Variants in KHSRP observed in about 807,000 individuals in gnomAD.
KHSRP encodes KH-type splicing regulatory protein.
KHSRP carries 13 observed loss-of-function variants against 94.9 expected under a neutral mutation model. The ratio of observed to expected loss-of-function variants is 0.14; its 90% CI spans 0.09 to 0.22. The LOEUF (loss-of-function observed/expected upper bound fraction) is 0.22. KHSRP is among the 10% of genes least tolerant of loss of function. The probability of loss-of-function intolerance (pLI) is 1.00; values close to 1 mark genes in which losing one functional copy is unlikely to be tolerated. For synonymous variants in KHSRP, 495 were observed against 401.4 expected (o/e 1.23, Z -2.79); for missense variants, 710 against 1,010.0 (o/e 0.70, Z 4.03).
At chr19:6,421,834 G>A (rs1019225301) in intron 2 of KHSRP, 146 bp from the exon 3 acceptor site, 1 of 888,420 alleles carries the variant, frequency 1.1e-6, no homozygotes, top group Non-Finnish European at 1.7e-6. Context: ...GGAGAGACTG[G>A]CCCCTGAGGG....
chr19:6,416,221 G>A, intron 15 of KHSRP, 77 bp downstream of exon 15: 3 of 1,228,672 alleles, frequency 2.4e-6, no homozygotes, highest in South Asian at 2.8e-5. Flanking sequence ...CTAGGGAAAG[G>A]GAAATGGGGT....
At position 6,413,185 on chromosome 19, in the gene KHSRP, A is replaced by C. The variant is rs1290513815; in HGVS notation, c.*1839T>G. On this transcript the variant is annotated 3_prime_UTR_variant, in exon 19 of 19. Transcript: ENST00000600480. ...TTAGGAAAGCACATTGAGCCTGAAG[A>C]AAACTATTTTATATTTTTCTTAAAA... 6.6e-6 allele frequency among the ~76,000 whole-genome samples: 1 copy of C among 151,210 alleles called. No homozygotes were observed. The highest frequency in any genetic ancestry group is 1.5e-5 in the Non-Finnish European group (1 of 67,860).
chr19:6,424,419 G>C (rs1416645173), intron 1 of KHSRP, 34 bp downstream of exon 1: 16 of 976,310 alleles, frequency 1.6e-5, no homozygotes, highest in Non-Finnish European at 1.8e-5. Context: ...GCGCGCGCGC[G>C]CGAGCGCGCC....
chr19:6,420,307 T>C, intron 5 of KHSRP, 115 bp downstream of exon 5: 1 of 1,178,226 alleles, frequency 8.5e-7, no homozygotes, highest in Non-Finnish European at 1.2e-6. Context: ...GAGGGACAAA[T>C]GAGAACAGCA....
intron 4 of KHSRP, among the ~76,000 whole-genome samples, chr19:6,420,752 C>CTG (rs2092190478): frequency 6.6e-6 from 1 of 152,244 alleles, no homozygotes; most frequent in East Asian, 1.9e-4. Context: ...AAAAAGCTGG[C>CTG]TGTATGTCCT....
chr19:6,422,404 C>T lies in KHSRP; in HGVS notation c.282G>A (p.Thr94=), dbSNP rs539731278. 2.0e-5 allele frequency: 33 copies of T among 1,613,786 alleles called. No homozygotes were observed. Among genetic ancestry groups the T allele is most frequent in the Non-Finnish European group, 2.4e-5 (28 of 1,179,814 alleles). The change falls in exon 2 of 19, where the codon ACG becomes ACA. Residue 94 remains threonine (T), a synonymous_variant. Transcript: ENST00000600480. ...AATCAGGAGTGCTGTTATTCACTGT[C>T]GTGGCAGCATCGCCTCCAATTTTGG... is the stretch of plus-strand genomic sequence containing the variant. ...IAAKIGGDAA[T]TVNNSTPDFG...
At chr19:6,417,886 G>A (rs748047000) in intron 10 of KHSRP, 45 bp from the exon 11 acceptor site, 1 of 1,601,800 alleles carries the variant, frequency 6.2e-7, no homozygotes, top group Non-Finnish European at 8.5e-7. Context: ...CAGCTCTGCT[G>A]CCCTCTGCTG....
In KHSRP at chr19:6,413,825, G is replaced by A. The variant is rs1356371184; in HGVS notation, c.*1199C>T. 21 of 159,602 alleles carry A rather than the reference G, an allele frequency of 1.3e-4. No homozygotes were observed. Among genetic ancestry groups the A allele is most frequent in the Admixed American group, 2.1e-4 (3 of 13,962 alleles). The allele number at this position is 159,602 out of a possible 1,614,324, so 9.9% of individuals were successfully genotyped here. On this transcript the variant is annotated 3_prime_UTR_variant, in exon 19 of 19. Transcript: ENST00000600480. ...TGCTCTTTGTGTTTTTAATTTTTAA[G>A]TTTTTTTTTTTTTTTGGCAGAGATT...
intron 7 of KHSRP, 61 bp downstream of exon 7, chr19:6,419,142 C>G: frequency 1.3e-6 from 2 of 1,482,698 alleles, no homozygotes; most frequent in Non-Finnish European, 1.8e-6. Flanking sequence ...TCAATTCAAA[C>G]GGACAGAGCA....
At chr19:6,421,829 G>C (rs1454136485) in intron 2 of KHSRP, 141 bp from the exon 3 acceptor site, 7 of 946,948 alleles carry the variant, frequency 7.4e-6, no homozygotes, top group African/African-American at 1.6e-5. Context: ...GCCCAGGAGA[G>C]ACTGGCCCCT....
rs866509806 is a variant in KHSRP at position 6,413,384 on chromosome 19, G to A, written c.*1640C>T. The stretch of plus-strand genomic sequence containing the variant: ...ATCATTTATTTGTGAAGTTAAAAAC[G>A]AGCGATAAAAAGTAAAAACTGCCAT... On this transcript the variant is annotated 3_prime_UTR_variant, in exon 19 of 19. Coordinates refer to ENST00000600480, the MANE Select transcript of KHSRP (RefSeq NM_001366299.1). The A allele has an allele frequency of 4.1e-5, 17 of 413,580 alleles. No individual in the cohort carries two copies. Among genetic ancestry groups the A allele is most frequent in the African/African-American group, 1.9e-4 (9 of 46,984 alleles). 25.6% of individuals were successfully genotyped at this position (413,580 alleles called of 1,614,324 possible).
Position 6,415,038 on chromosome 19 carries a change from C to T in KHSRP, c.2230G>A (p.Gly744Arg). 1 of 1,520,828 alleles carries T rather than the reference C, an allele frequency of 6.6e-7. No individual in the cohort carries two copies. The highest frequency in any genetic ancestry group is 8.7e-7 in the Non-Finnish European group (1 of 1,143,238). The allele number at this position is 1,520,828 out of a possible 1,614,324, so 94.2% of individuals were successfully genotyped here. A position where few individuals can be genotyped will look rare whatever the true frequency, so the allele number is the denominator to read the frequency against. Reference protein sequence around the residue: ...VGSAGNPFPCGVCP With the variant: ...VGSAGNPFPCRVCP ...CGCTGCAGGCATCAAGGGCACACCC[C>T]GCAGGGGAAGGGGTTTCCGGCGCTA... Residue 744 changes from glycine to arginine, a missense_variant, in exon 19 of 19, where the codon GGG becomes AGG. Gly to Arg is a moderately radical substitution (Grantham distance 125, BLOSUM62 -2). Around this residue, in one of 5 missense-constraint regions of KHSRP, gnomAD observed 292 missense variants for 340.5 expected, o/e 0.86. Transcript: ENST00000600480.
intron 1 of KHSRP, 52 bp downstream of exon 1, chr19:6,424,401 C>T (rs951385686): frequency 1.9e-5 from 18 of 952,010 alleles, no homozygotes; most frequent in South Asian, 4.8e-5. Flanking sequence ...CCGCCCCCTC[C>T]CCCGCCTGCG....
Position 6,414,230 on chromosome 19 carries a change from C to T in KHSRP, c.*794G>A. 1 of 1,516,244 alleles carries T rather than the reference C, an allele frequency of 6.6e-7. No homozygotes were observed. Among genetic ancestry groups the T allele is most frequent in the Non-Finnish European group, 8.8e-7 (1 of 1,132,240 alleles). 93.9% of individuals were successfully genotyped at this position (1,516,244 alleles called of 1,614,324 possible). On this transcript the variant is annotated 3_prime_UTR_variant, in exon 19 of 19. Transcript: ENST00000600480. The stretch of plus-strand genomic sequence containing the variant: ...ACACCGTGGGGGGGGCCAGGAAGCC[C>T]CCTCCCAAACCTGCGCTGGCTCAGG...
chr19:6,424,503 G>A lies in KHSRP; in HGVS notation c.199C>T (p.Pro67Ser), dbSNP rs1368908516. 3 of 988,078 alleles carry A rather than the reference G, an allele frequency of 3.0e-6. No homozygotes were observed. Among genetic ancestry groups the A allele is most frequent in the Non-Finnish European group, 3.6e-6 (3 of 833,320 alleles). 61.2% of individuals were successfully genotyped at this position (988,078 alleles called of 1,614,324 possible). ...GPSQPPGGGGPGIRKDAFADA... is the reference protein window; with the variant it reads ...GPSQPPGGGGSGIRKDAFADA... ...GCGAAAGCGTCCTTGCGGATTCCCG[G>A]GCCGCCTCCGCCGGGTGGCTGAGAG... Residue 67 changes from proline (P) to serine (S), a missense_variant, in exon 1 of 19, where the codon CCG becomes TCG. This residue lies in a region of KHSRP where 92 missense variants were observed against 80.8 expected (regional missense o/e 1.14). Coordinates refer to ENST00000600480, the MANE Select transcript of KHSRP (RefSeq NM_001366299.1).
Position 6,424,564 on chromosome 19 carries a change from G to A in KHSRP, c.138C>T (p.Gly46=), listed in dbSNP as rs899038493. Reference sequence around the variant, plus strand: ...CCGACCCCCCGCCCGGGCCGCCGCCGCCGGGACCGCCGCCGCCCCGGTCCC... The same window carrying A: ...CCGACCCCCCGCCCGGGCCGCCGCCACCGGGACCGCCGCCGCCCCGGTCCC... The part of the protein sequence containing the change: ...GAGDRGGGGP[G]GGGPGGGSAG... The change falls in exon 1 of 19, where the codon GGC becomes GGT. Residue 46 remains glycine (G), a synonymous_variant. Transcript: ENST00000600480. 13,876 of 952,680 alleles carry A rather than the reference G, an allele frequency of 0.015. 129 individuals carry two copies. Among genetic ancestry groups the A allele is most frequent in the South Asian group, 0.028 (586 of 20,568 alleles). 59.0% of individuals were successfully genotyped at this position (952,680 alleles called of 1,614,324 possible).
rs1021292801 is a variant in KHSRP, at chr19:6,424,597, T to TGGCGGGCCC, written c.96_104dup (p.Pro34_Gly36dup). ...CGCCGCCGCCCCGGTCCCCCGCGCC[T>TGGCGGGCCC]GGCGGGCCCGGCGGAGGGCCTCCCC... On this transcript the variant is annotated inframe_insertion, in exon 1 of 19. Coordinates refer to ENST00000600480, the MANE Select transcript of KHSRP (RefSeq NM_001366299.1). The TGGCGGGCCC allele has an allele frequency of 1.8e-5, 17 of 940,422 alleles. No individual in the cohort carries two copies. Among genetic ancestry groups the TGGCGGGCCC allele is most frequent in the Non-Finnish European group, 2.0e-5 (16 of 799,508 alleles). The allele number at this position is 940,422 out of a possible 1,614,324, so 58.3% of individuals were successfully genotyped here.
chr19:6,415,406 G>C lies in KHSRP; in HGVS notation c.1940C>G (p.Ala647Gly), dbSNP rs1455630757. Residue 647 changes from alanine (A) to glycine (G), a missense_variant, in exon 18 of 19, where the codon GCT (alanine) becomes GGT (glycine). By Grantham distance (60) the Ala-to-Gly change is moderately conservative. Coordinates refer to ENST00000600480, the MANE Select transcript of KHSRP (RefSeq NM_001366299.1). ...TTGCTTCTTGTAGTACTCCTCCCAA[G>C]CCTTCGTGTAGTCCTGCTGTGGGGG... The part of the protein sequence containing the change: ...GAPPQQDYTK[A>G]WEEYYKKQAQ... The C allele has an allele frequency of 1.9e-6, 3 of 1,594,208 alleles. No individual in the cohort carries two copies. The African/African-American group carries it at 4.0e-5, about 21-fold the overall frequency.
At chr19:6,417,879 C>G (rs1355773967) in intron 10 of KHSRP, 38 bp from the exon 11 acceptor site, 14 of 1,599,476 alleles carry the variant, frequency 8.8e-6, no homozygotes, top group Non-Finnish European at 1.2e-5. Flanking sequence ...CGGCCCGCAG[C>G]TCTGCTGCCC....
Sources: allele counts gnomAD v4.1 joint callset (sites outside exome capture counted in the v4.1 genomes callset), GRCh38; gene constraint gnomAD v4.1.1; regional missense constraint gnomAD v4.1.1; transcripts MANE v1.5; gene names NCBI Gene and HGNC (gene_info 2026-07-23, HGNC 2026-07-21).